Variants in TENM4 observed in about 807,000 individuals in gnomAD.
TENM4 encodes the protein teneurin transmembrane protein 4.
TENM4 carries 82 observed loss-of-function variants against 243.3 expected under a neutral mutation model. The observed-to-expected ratio is 0.34, with a 90% CI of 0.28 to 0.40. The LOEUF is 0.40. TENM4 is among the 10% of genes least tolerant of loss of function. The pLI is 1.00. For synonymous variants in TENM4, 1,412 were observed against 1,456.3 expected (o/e 0.97, Z 0.69); for missense variants, 3,138 against 3,673.3 (o/e 0.85, Z 3.77).
intron 1 of TENM4, among the ~76,000 whole-genome samples, chr11:79,395,733 C>G (rs1204815217): frequency 6.6e-6 from 1 of 152,178 alleles, no homozygotes; most frequent in African/African-American, 2.4e-5. Flanking sequence ...CACTTTCATA[C>G]TCACTCCAAT....
At chr11:78,833,405 A>AT (rs778778421) in intron 12 of TENM4, among the ~76,000 whole-genome samples, 1 of 152,186 alleles carries the variant, frequency 6.6e-6, no homozygotes, top group Non-Finnish European at 1.5e-5. Context: ...GAAAGGCGTC[A>AT]TTTTTTGCTT....
At chr11:79,157,885 T>C (rs1474188103) in intron 3 of TENM4, among the ~76,000 whole-genome samples, 1 of 152,218 alleles carries the variant, frequency 6.6e-6, no homozygotes, top group Non-Finnish European at 1.5e-5. Context: ...CAGCAAATGC[T>C]CAGGAAACCT....
intron 4 of TENM4, among the ~76,000 whole-genome samples, chr11:79,103,671 C>T (rs191142549): frequency 1.3e-5 from 2 of 152,340 alleles, no homozygotes; most frequent in East Asian, 1.9e-4. Flanking sequence ...TTGTAAGATA[C>T]TTTCCGATTT....
chr11:78,904,979 A>G (rs914096403), intron 6 of TENM4, among the ~76,000 whole-genome samples: 4 of 152,196 alleles, frequency 2.6e-5, no homozygotes, highest in African/African-American at 9.7e-5. Flanking sequence ...ATTCTAACCT[A>G]GATTCTACCA....
In TENM4 at chr11:79,113,806, C is replaced by T. The variant is rs573292932; in HGVS notation, c.-66+34904G>A. Among the ~76,000 whole-genome samples the T allele has an allele frequency of 3.3e-5, 5 of 152,268 alleles. 1 individual carries two copies. The highest frequency in any genetic ancestry group is 9.6e-5 in the African/African-American group (4 of 41,536). On this transcript the variant is annotated intron_variant, in intron 4 of 33. Coordinates refer to ENST00000278550, the MANE Select transcript of TENM4 (RefSeq NM_001098816.3). Reference sequence around the variant, plus strand: ...GGGGCCCAGCATTTACTGTCTGACCCTTATAGGAGTGGAGAAGGACAGGCC... The same window carrying T: ...GGGGCCCAGCATTTACTGTCTGACCTTTATAGGAGTGGAGAAGGACAGGCC...
chr11:79,105,565 G>T (rs1294479294), intron 4 of TENM4, among the ~76,000 whole-genome samples: 6 of 152,176 alleles, frequency 3.9e-5, no homozygotes, highest in South Asian at 2.1e-4. Context: ...TGCTGGGAAG[G>T]TTGGCTGAGA....
At chr11:78,763,075 T>C (rs906532690) in intron 18 of TENM4, among the ~76,000 whole-genome samples, 37 of 152,344 alleles carry the variant, frequency 2.4e-4, no homozygotes, top group African/African-American at 8.4e-4. Context: ...GTGTTTTGTA[T>C]ATTTGCTATC....
intron 2 of TENM4, among the ~76,000 whole-genome samples, chr11:79,285,107 G>A (rs1856226638): frequency 6.6e-6 from 1 of 152,054 alleles, no homozygotes. Flanking sequence ...GCATGGTGGT[G>A]GGCATCTGTA....
At chr11:79,015,510 A>G (rs201415987) in intron 6 of TENM4, among the ~76,000 whole-genome samples, 114 of 95,338 alleles carry the variant, frequency 1.2e-3, no homozygotes, top group Non-Finnish European at 1.9e-3. Flanking sequence ...GTGTGTGTGT[A>G]TGTATTCTAA....
chr11:79,314,110 A>G (rs1437159730), intron 1 of TENM4, among the ~76,000 whole-genome samples: 3 of 152,142 alleles, frequency 2.0e-5, no homozygotes, highest in Non-Finnish European at 4.4e-5. Context: ...GCCTGGGTTC[A>G]AATCCAGCTC....
chr11:79,342,482 G>A (rs149902605), intron 1 of TENM4, among the ~76,000 whole-genome samples: 7 of 152,192 alleles, frequency 4.6e-5, no homozygotes, highest in South Asian at 4.2e-4. Context: ...GGAGTACAGC[G>A]GGCCACACAG....
At chr11:79,261,775 G>T (rs758330320) in intron 2 of TENM4, among the ~76,000 whole-genome samples, 4 of 152,154 alleles carry the variant, frequency 2.6e-5, no homozygotes, top group African/African-American at 7.2e-5. Context: ...AAAGCCAGTG[G>T]CTTCTTCCTC....
chr11:79,266,712 G>A (rs578061750), intron 2 of TENM4, among the ~76,000 whole-genome samples: 6 of 152,156 alleles, frequency 3.9e-5, no homozygotes, highest in Admixed American at 1.3e-4. Flanking sequence ...GCTCTGAATT[G>A]GCCAAAGCAT....
At chr11:79,320,601 G>T (rs556407204) in intron 1 of TENM4, among the ~76,000 whole-genome samples, 267 of 152,288 alleles carry the variant, frequency 1.8e-3, no homozygotes, top group African/African-American at 6.3e-3. Context: ...GTAAATGGCA[G>T]AGCCAGGTTT....
At chr11:79,184,392 T>A (rs1265709870) in intron 3 of TENM4, among the ~76,000 whole-genome samples, 1 of 151,956 alleles carries the variant, frequency 6.6e-6, no homozygotes, top group Non-Finnish European at 1.5e-5. Flanking sequence ...AACAATAGGG[T>A]TCGCACTCTT....
rs76608561 is a variant in TENM4 at position 79,369,599 on chromosome 11, C to G, written c.-321+70910G>C. ...CCAGATTTAGCAATTTACCAGCAAG[C>G]CTTCACAGGCTAAGAGAGAGGACAG... On this transcript the variant is annotated intron_variant, in intron 1 of 33. Transcript: ENST00000278550. 7.6e-4 allele frequency among the ~76,000 whole-genome samples: 116 copies of G among 152,266 alleles called. 3 individuals carry two copies. The South Asian group carries it at 0.024, about 31-fold the overall frequency.
intron 23 of TENM4, among the ~76,000 whole-genome samples, chr11:78,723,581 C>G (rs1265195701): frequency 1.3e-5 from 2 of 152,270 alleles, no homozygotes; most frequent in Non-Finnish European, 2.9e-5. Context: ...ACTGCTTTAA[C>G]TGCCCTTGGG....
rs561727240 is a variant in TENM4 at position 79,165,331 on chromosome 11, C to T, written c.-162-16525G>A. On this transcript the variant is annotated intron_variant, in intron 3 of 33. Transcript: ENST00000278550. ...TACTTTTTGATGTTTTGATTACGGA[C>T]ATTCTTGCAGGAGTGAGACAGTATT... Among the ~76,000 whole-genome samples, 5 of 152,264 alleles carry T rather than the reference C, an allele frequency of 3.3e-5. No individual in the cohort carries two copies. In the East Asian group the frequency reaches 9.6e-4, roughly 29 times the overall value.
At chr11:78,902,667 T>A (rs930382398) in intron 7 of TENM4, among the ~76,000 whole-genome samples, 6 of 152,244 alleles carry the variant, frequency 3.9e-5, no homozygotes, top group African/African-American at 1.4e-4. Flanking sequence ...TTACATAATG[T>A]CACACACAGG....
Sources: allele counts gnomAD v4.1 joint callset (sites outside exome capture counted in the v4.1 genomes callset), GRCh38; gene constraint gnomAD v4.1.1; transcripts MANE v1.5; gene names NCBI Gene and HGNC (gene_info 2026-07-23, HGNC 2026-07-21).